CDH12: variants seen among roughly 807,000 people sequenced by gnomAD.
The protein encoded by CDH12 is cadherin-12.
A neutral mutation model predicts 74.1 loss-of-function variants in CDH12; 41 were observed. The observed-to-expected ratio is 0.55, with a 90% CI of 0.43 to 0.72. CDH12 has a LOEUF of 0.72. Among genes scored for constraint, CDH12 ranks in the 30% least tolerant of loss-of-function variants. CDH12 has a pLI of 0.00. For synonymous variants in CDH12, 399 were observed against 355.0 expected (o/e 1.12, Z -1.39); for missense variants, 945 against 977.2 (o/e 0.97, Z 0.44).
intron 5 of CDH12, among the ~76,000 whole-genome samples, chr5:22,055,984 CTAAAATA>C (rs1429011990): frequency 5.3e-5 from 8 of 152,122 alleles, no homozygotes; most frequent in Admixed American, 5.2e-4. Flanking sequence ...CATTGATGTT[CTAAAATA>C]TAAAGTCTTT....
chr5:22,532,560 T>A lies in CDH12; in HGVS notation c.-522-27196A>T, dbSNP rs915280878. 3.3e-5 allele frequency among the ~76,000 whole-genome samples: 5 copies of A among 151,288 alleles called. No individual in the cohort carries two copies. The East Asian group carries it at 9.7e-4, about 29-fold the overall frequency. Reference sequence around the variant, plus strand: ...CTTATTTAAGATCTAACCCTGCTAATTTAAATTTCTGCTGAATTAAGACTT... The same window carrying A: ...CTTATTTAAGATCTAACCCTGCTAAATTAAATTTCTGCTGAATTAAGACTT... On this transcript the variant is annotated intron_variant, in intron 1 of 14. Coordinates refer to ENST00000382254, the MANE Select transcript of CDH12 (RefSeq NM_004061.5).
chr5:22,198,423 G>T (rs1002280818), intron 4 of CDH12, among the ~76,000 whole-genome samples: 16 of 152,020 alleles, frequency 1.1e-4, no homozygotes, highest in Admixed American at 3.3e-4. Context: ...GTTAGAAACA[G>T]GCATTTCTGA....
At chr5:22,192,185 C>T (rs1486998677) in intron 4 of CDH12, among the ~76,000 whole-genome samples, 3 of 152,172 alleles carry the variant, frequency 2.0e-5, no homozygotes, top group Middle Eastern at 3.4e-3. Context: ...CTGCCTGCCT[C>T]GGCTTCCCAA....
chr5:22,221,822 C>T (rs1752026173), intron 3 of CDH12, among the ~76,000 whole-genome samples: 1 of 151,870 alleles, frequency 6.6e-6, no homozygotes, highest in Admixed American at 6.6e-5. Context: ...TCCCCAGTTG[C>T]TTATTGGATA....
At chr5:22,650,933 CTG>C (rs752120200) in intron 1 of CDH12, among the ~76,000 whole-genome samples, 1 of 151,952 alleles carries the variant, frequency 6.6e-6, no homozygotes, top group Admixed American at 6.6e-5. Flanking sequence ...GAGGCGATAA[CTG>C]TTAATATCCA....
intron 10 of CDH12, among the ~76,000 whole-genome samples, chr5:21,801,033 T>G (rs989265850): frequency 6.6e-6 from 1 of 152,164 alleles, no homozygotes; most frequent in Non-Finnish European, 1.5e-5. Context: ...AACTAATACA[T>G]CCAGTATGTG....
intron 6 of CDH12, among the ~76,000 whole-genome samples, chr5:21,924,669 T>C (rs1395598651): frequency 6.6e-6 from 1 of 152,230 alleles, no homozygotes; most frequent in Non-Finnish European, 1.5e-5. Context: ...TTAAGGTTAT[T>C]TCAGAAATCT....
chr5:22,279,368 CTG>C (rs1736774936), intron 3 of CDH12, among the ~76,000 whole-genome samples: 1 of 152,082 alleles, frequency 6.6e-6, no homozygotes, highest in Non-Finnish European at 1.5e-5. Flanking sequence ...TAGAAAATTA[CTG>C]TTTTTTATAT....
At chr5:22,420,130 T>G (rs1743575805) in intron 2 of CDH12, among the ~76,000 whole-genome samples, 1 of 152,186 alleles carries the variant, frequency 6.6e-6, no homozygotes, top group African/African-American at 2.4e-5. Flanking sequence ...GGTTGTCTGT[T>G]CACTCTGATG....
intron 10 of CDH12, among the ~76,000 whole-genome samples, chr5:21,785,485 G>A (rs1017495747): frequency 6.6e-6 from 1 of 152,202 alleles, no homozygotes; most frequent in Non-Finnish European, 1.5e-5. Context: ...GCCAAGTTGT[G>A]AATGCAAAGG....
chr5:22,653,140 T>A (rs1019883603), intron 1 of CDH12, among the ~76,000 whole-genome samples: 1 of 152,156 alleles, frequency 6.6e-6, no homozygotes, highest in Non-Finnish European at 1.5e-5. Context: ...AGCATTGTCA[T>A]AATCATCATC....
chr5:22,344,269 T>C (rs967072070), intron 3 of CDH12, among the ~76,000 whole-genome samples: 1 of 152,206 alleles, frequency 6.6e-6, no homozygotes, highest in Non-Finnish European at 1.5e-5. Flanking sequence ...TCATGTTTGT[T>C]TTCTTGTTGC....
intron 4 of CDH12, among the ~76,000 whole-genome samples, chr5:22,103,039 G>C (rs1341130728): frequency 3.9e-5 from 6 of 152,112 alleles, no homozygotes; most frequent in Non-Finnish European, 7.3e-5. Context: ...GCTCGTGTAC[G>C]TTTCCCACTC....
intron 1 of CDH12, among the ~76,000 whole-genome samples, chr5:22,690,927 T>C (rs1313574646): frequency 2.0e-5 from 3 of 152,198 alleles, no homozygotes; most frequent in Admixed American, 2.0e-4. Flanking sequence ...CCATGGTTAA[T>C]GTCTCTCAGA....
At chr5:21,827,931 A>G (rs930022113) in intron 8 of CDH12, among the ~76,000 whole-genome samples, 21 of 152,288 alleles carry the variant, frequency 1.4e-4, no homozygotes, top group Middle Eastern at 3.4e-3. Context: ...ACCTCCATTG[A>G]ATATTTAAAC....
intron 4 of CDH12, chr5:22,172,585 G>A (rs561401958): frequency 5.9e-5 from 9 of 151,748 alleles, no homozygotes; most frequent in Non-Finnish European, 1.2e-4. Flanking sequence ...CTTTCATCAG[G>A]AACTGGGAGG....
rs1458197592 is a variant in CDH12, at chr5:22,562,551, G to T, written c.-522-57187C>A. On this transcript the variant is annotated intron_variant, in intron 1 of 14. Coordinates refer to ENST00000382254, the MANE Select transcript of CDH12 (RefSeq NM_004061.5). ...CCCATATCAGAAAAGAAAATGGGAGGTTGTCAGCTTTCTTGAAATTGAAAA... is the reference window on the plus strand; with the variant it reads ...CCCATATCAGAAAAGAAAATGGGAGTTTGTCAGCTTTCTTGAAATTGAAAA... 3.3e-5 allele frequency among the ~76,000 whole-genome samples: 5 copies of T among 151,652 alleles called. No individual in the cohort carries two copies. In the East Asian group the frequency reaches 9.7e-4, roughly 29 times the overall value.
intron 3 of CDH12, among the ~76,000 whole-genome samples, chr5:22,220,693 T>G (rs368742224): frequency 2.0e-5 from 3 of 151,748 alleles, no homozygotes; most frequent in South Asian, 4.1e-4. Flanking sequence ...AGGATAAAAT[T>G]TAGATAGCTA....
intron 6 of CDH12, among the ~76,000 whole-genome samples, chr5:21,965,914 AT>A (rs1410599828): frequency 2.0e-5 from 3 of 152,114 alleles, no homozygotes; most frequent in Admixed American, 2.0e-4. Context: ...AAGTTACATA[AT>A]TGTGTGAGGA....
Sources: allele counts gnomAD v4.1 joint callset (sites outside exome capture counted in the v4.1 genomes callset), GRCh38; gene constraint gnomAD v4.1.1; transcripts MANE v1.5; gene names NCBI Gene and HGNC (gene_info 2026-07-23, HGNC 2026-07-21).